Variants in WNK2 observed in about 807,000 individuals in gnomAD.
WNK2 encodes WNK lysine deficient protein kinase 2, also known as serine/threonine-protein kinase WNK2.
In WNK2, 67 loss-of-function variants were observed where a neutral mutation model predicts 192.1. That is an observed-to-expected ratio of 0.35 (90% CI 0.29 to 0.43). The LOEUF (loss-of-function observed/expected upper bound fraction) is 0.43, where lower values mean the gene tolerates loss of function less well. Ranked by LOEUF, WNK2 falls within the 20% of genes least tolerant of loss-of-function variation. The pLI is 1.00. For missense variants in WNK2, 2,698 were observed against 3,089.7 expected (o/e 0.87, Z 3.01); for synonymous variants, 1,439 against 1,393.9 (o/e 1.03, Z -0.72).
At chr9:93,224,009 C>G (rs1222449513) in intron 2 of WNK2, among the ~76,000 whole-genome samples, 1 of 152,224 alleles carries the variant, frequency 6.6e-6, no homozygotes, top group Non-Finnish European at 1.5e-5. Flanking sequence ...CATCCTGCAC[C>G]TGGGGCCTCT....
Position 93,275,514 on chromosome 9 carries a change from T to C in WNK2, c.4033+6768T>C, listed in dbSNP as rs192114770. Among the ~76,000 whole-genome samples, 510 of 152,328 alleles carry C rather than the reference T, an allele frequency of 3.3e-3. 2 individuals carry two copies. The highest frequency in any genetic ancestry group is 4.9e-3 in the Non-Finnish European group (331 of 68,036). On this transcript the variant is annotated intron_variant, in intron 19 of 29. Transcript: ENST00000427277. ...AAAAACCCACCGTTTCCAGCATATT[T>C]AGACCAAATGTGTTCTCCCTAAGAT...
chr9:93,206,628 AGCACCGG>A (rs1165305604), intron 2 of WNK2, among the ~76,000 whole-genome samples: 3 of 152,194 alleles, frequency 2.0e-5, no homozygotes, highest in Non-Finnish European at 4.4e-5. Flanking sequence ...CCCAGGAGCC[AGCACCGG>A]GCAGACGTGT....
intron 3 of WNK2, among the ~76,000 whole-genome samples, chr9:93,230,084 G>T (rs1351984886): frequency 6.6e-6 from 1 of 152,178 alleles, no homozygotes; most frequent in Admixed American, 6.5e-5. Context: ...TCTGGCTGGG[G>T]TTCTGTTTCT....
chr9:93,207,171 C>T (rs1833550401), intron 2 of WNK2, among the ~76,000 whole-genome samples: 1 of 152,182 alleles, frequency 6.6e-6, no homozygotes. Flanking sequence ...AACCCGTTAT[C>T]ATGGGAACTT....
At chr9:93,220,033 C>T (rs1289290794) in intron 2 of WNK2, among the ~76,000 whole-genome samples, 5 of 152,316 alleles carry the variant, frequency 3.3e-5, no homozygotes, top group African/African-American at 9.6e-5. Flanking sequence ...TCCCTGGCTG[C>T]AGGGTTGTTG....
At chr9:93,256,123 T>A (rs576589591) in intron 9 of WNK2, among the ~76,000 whole-genome samples, 176 bp from the exon 10 acceptor site, 25 of 152,304 alleles carry the variant, frequency 1.6e-4, no homozygotes, top group South Asian at 1.2e-3. Context: ...TCCTGGCCCT[T>A]CACTGTTGTG....
Position 93,292,883 on chromosome 9 carries a change from C to T in WNK2, c.5418C>T (p.Ser1806=). 6.6e-7 allele frequency: 1 copy of T among 1,512,884 alleles called. No homozygotes were observed. The highest frequency in any genetic ancestry group is 2.1e-5 in the Admixed American group (1 of 47,538). The allele number at this position is 1,512,884 out of a possible 1,614,324, so 93.7% of individuals were successfully genotyped here. ...SIEVGVGEPV[S]SDSGDEGPRA... ...AGGTCGGCGTGGGCGAGCCCGTGTC[C>T]AGCGACTCTGGGGACGAGGGCCCTC... is the stretch of plus-strand genomic sequence containing the variant. Residue 1806 remains serine (S), a synonymous_variant, in exon 23 of 30, where the codon TCC becomes TCT. Coordinates refer to ENST00000427277, the MANE Select transcript of WNK2 (RefSeq NM_006648.4).
chr9:93,284,087 G>GA, intron 19 of WNK2, among the ~76,000 whole-genome samples: 1 of 152,264 alleles, frequency 6.6e-6, no homozygotes, highest in Admixed American at 6.5e-5. Flanking sequence ...GTATAAGGGG[G>GA]AAAAACCCTT....
At chr9:93,273,470 A>G (rs1256141821) in intron 19 of WNK2, among the ~76,000 whole-genome samples, 3 of 152,230 alleles carry the variant, frequency 2.0e-5, no homozygotes, top group Admixed American at 2.0e-4. Flanking sequence ...ACGTATTTAT[A>G]AAGAGTAAAT....
At chr9:93,318,417 C>G in intron 29 of WNK2, 1 of 1,613,956 alleles carries the variant, frequency 6.2e-7, no homozygotes, top group Non-Finnish European at 8.5e-7. Context: ...GGCTGAGAGA[C>G]GGCGGGACGC....
At chr9:93,192,916 TC>T (rs1830593451) in intron 2 of WNK2, among the ~76,000 whole-genome samples, 1 of 152,130 alleles carries the variant, frequency 6.6e-6, no homozygotes, top group South Asian at 2.1e-4. Flanking sequence ...CCCATAGTCA[TC>T]TTGTAGGTGT....
In WNK2 at chr9:93,306,699, C is replaced by T; in HGVS notation, c.6215-78C>T. 9 of 1,577,034 alleles carry T rather than the reference C, an allele frequency of 5.7e-6. No individual in the cohort carries two copies. In the South Asian group the frequency reaches 1.0e-4, roughly 17 times the overall value. On this transcript the variant is annotated intron_variant, in intron 26 of 29. Coordinates refer to ENST00000427277, the MANE Select transcript of WNK2 (RefSeq NM_006648.4). ...CCTCCCTGCACACTGACGACTTTTG[C>T]TTAGTGTGGTAGCGTGTCCCAGTGT...
chr9:93,287,553 C>G (rs1848633674), intron 19 of WNK2, among the ~76,000 whole-genome samples: 1 of 152,156 alleles, frequency 6.6e-6, no homozygotes, highest in Non-Finnish European at 1.5e-5. Context: ...GCACGACCAT[C>G]ATGTTTAGAC....
At chr9:93,304,401 G>C (rs775568776) in intron 26 of WNK2, among the ~76,000 whole-genome samples, 33 of 152,372 alleles carry the variant, frequency 2.2e-4, no homozygotes, top group Admixed American at 1.1e-3. Flanking sequence ...TGGGAAGAAA[G>C]CAGCGGATCC....
At chr9:93,198,848 A>G (rs1050134171) in intron 2 of WNK2, among the ~76,000 whole-genome samples, 3 of 151,734 alleles carry the variant, frequency 2.0e-5, no homozygotes, top group Non-Finnish European at 4.4e-5. Context: ...CTCTTGCCCC[A>G]TTGTCCTTCT....
chr9:93,276,257 C>T (rs1011118393), intron 19 of WNK2, among the ~76,000 whole-genome samples: 1 of 152,154 alleles, frequency 6.6e-6, no homozygotes, highest in Non-Finnish European at 1.5e-5. Context: ...GTACACACAT[C>T]GGTGGAACAG....
At chr9:93,237,636 G>A (rs1046805779) in intron 5 of WNK2, among the ~76,000 whole-genome samples, 2 of 152,174 alleles carry the variant, frequency 1.3e-5, no homozygotes, top group African/African-American at 4.8e-5. Flanking sequence ...TTTTCTGCAA[G>A]GTCGTGGGTC....
At position 93,185,357 on chromosome 9, in the gene WNK2, C is replaced by T. The variant is rs1176866187; in HGVS notation, c.428C>T (p.Pro143Leu). The change falls in exon 2 of 30, where the codon CCC becomes CTC. Residue 143 changes from proline to leucine, a missense_variant. Transcript: ENST00000427277. Reference sequence around the variant, plus strand: ...ACCGCGCCTGCCCCCGACGGCGGCCCCAGGGAGGAGGCGGCGGCGACCGTG... The same window carrying T: ...ACCGCGCCTGCCCCCGACGGCGGCCTCAGGGAGGAGGCGGCGGCGACCGTG... ...VETAPAPDGG[P>L]REEAAATVRK... 8 of 1,564,694 alleles carry T rather than the reference C, an allele frequency of 5.1e-6. No homozygotes were observed. The highest frequency in any genetic ancestry group is 6.0e-6 in the Non-Finnish European group (7 of 1,158,230).
Position 93,258,969 on chromosome 9 carries a change from G to A in WNK2, c.2421G>A (p.Leu807=), listed in dbSNP as rs1843743233. Reference sequence around the variant, plus strand: ...CTGTTGTGCCCCCCATCACGCCCCTGGCGGGAATCGACGGCCTCCCTCCGG... The same window carrying A: ...CTGTTGTGCCCCCCATCACGCCCCTAGCGGGAATCGACGGCCTCCCTCCGG... ...PIPVVPPITP[L]AGIDGLPPAL... The change falls in exon 12 of 30, where the codon CTG becomes CTA. Residue 807 remains leucine, a synonymous_variant. Transcript: ENST00000427277. The A allele has an allele frequency of 6.2e-7, 1 of 1,612,584 alleles. No homozygotes were observed. Among genetic ancestry groups the A allele is most frequent in the South Asian group, 1.1e-5 (1 of 91,052 alleles).
Sources: allele counts gnomAD v4.1 joint callset (sites outside exome capture counted in the v4.1 genomes callset), GRCh38; gene constraint gnomAD v4.1.1; transcripts MANE v1.5; gene names NCBI Gene and HGNC (gene_info 2026-07-23, HGNC 2026-07-21).